Variants in ITFG2 observed in about 807,000 individuals in gnomAD.
ITFG2 encodes KICSTOR complex protein ITFG2.
Under a neutral mutation model 54.4 loss-of-function variants are expected in ITFG2, and 36 were observed. The ratio of observed to expected loss-of-function variants is 0.66; its 90% CI spans 0.51 to 0.87. The LOEUF (loss-of-function observed/expected upper bound fraction) is 0.87. Among genes scored for constraint, ITFG2 ranks in the 40% least tolerant of loss-of-function variants. The pLI is 0.00. For missense variants in ITFG2, 524 were observed against 576.7 expected, an observed-to-expected ratio of 0.91 and a Z score of 0.94; for synonymous variants, 211 against 225.4, an observed-to-expected ratio of 0.94 and a Z score of 0.57.
intron 2 of ITFG2, among the ~76,000 whole-genome samples, chr12:2,841,877 C>G (rs762932482): frequency 6.6e-6 from 1 of 151,360 alleles, no homozygotes; most frequent in East Asian, 2.0e-4. Context: ...CGCCACCACG[C>G]CCGGCTAATT....
chr12:2,859,724 C>T (rs2098105926), exon 4 of ITFG2: 1 of 1,240,434 alleles, frequency 8.1e-7, no homozygotes, highest in Non-Finnish European at 1.1e-6. Context: ...ACAAAAATAT[C>T]ACATACGGGT....
chr12:2,859,183 CAG>C, intron 3 of ITFG2: 1 of 1,610,082 alleles, frequency 6.2e-7, no homozygotes, highest in African/African-American at 1.3e-5. Context: ...GAGGCAGGGT[CAG>C]AGGAGTCTGC....
chr12:2,824,184 T>G lies in ITFG2; in HGVS notation c.1335T>G (p.Asp445Glu). The G allele has an allele frequency of 6.2e-7, 1 of 1,614,094 alleles. No individual in the cohort carries two copies. The highest frequency in any genetic ancestry group is 8.5e-7 in the Non-Finnish European group (1 of 1,179,998). ...AGTGTGCTCCCTCAAGCCTCCAGGA[T>G]CCCACCTAGCTGTACTTGCCTCATA... ...PPQCAPSSLQDPT is the reference protein window; with the variant it reads ...PPQCAPSSLQEPT Residue 445 changes from aspartate to glutamate, a missense_variant, in exon 12 of 12, where the codon GAT (aspartate) becomes GAG (glutamate). Physicochemically the swap from Asp to Glu is conservative, Grantham distance 45 (BLOSUM62 2). Transcript: ENST00000228799.
At position 2,812,713 on chromosome 12, in the gene ITFG2, A is replaced by C. The variant is rs777711852; in HGVS notation, c.-48A>C. 1.3e-6 allele frequency: 2 copies of C among 1,531,032 alleles called. No individual in the cohort carries two copies. Among genetic ancestry groups the C allele is most frequent in the Non-Finnish European group, 1.8e-6 (2 of 1,107,624 alleles). 94.8% of individuals were successfully genotyped at this position (1,531,032 alleles called of 1,614,324 possible). A position where few individuals can be genotyped will look rare whatever the true frequency, so the allele number is the denominator to read the frequency against. ...CTGGCGGCTGTCGCGACGGGGGTTC[A>C]GGGAATATTTACTGGGCCTCTCCGC... On this transcript the variant is annotated 5_prime_UTR_variant, in exon 1 of 12. Transcript: ENST00000228799.
At chr12:2,820,628 G>GGGC in intron 5 of ITFG2, 96 bp from the exon 6 acceptor site, 2 of 251,778 alleles carry the variant, frequency 7.9e-6, no homozygotes, top group Non-Finnish European at 7.9e-6. Flanking sequence ...CCCTGCCCCT[G>GGGC]CCCCCGCCCC....
chr12:2,859,213 C>T lies in ITFG2; in HGVS notation n.621-321C>T, dbSNP rs375821639. On this transcript the variant is annotated intron_variant and non_coding_transcript_variant, in intron 3 of 3. Transcript: ENST00000537710. ...GAGTCTGCTGGGAACGGGAGCTCTG[C>T]GGCCCAGCGGGAAGTACTGGGCCCC... is the stretch of plus-strand genomic sequence containing the variant. 9.9e-6 allele frequency: 16 copies of T among 1,612,216 alleles called. No homozygotes were observed. The highest frequency in any genetic ancestry group is 3.3e-5 in the South Asian group (3 of 91,056).
chr12:2,827,784 G>A (rs1210536582), downstream of ITFG2: 4 of 1,605,904 alleles, frequency 2.5e-6, no homozygotes, highest in Non-Finnish European at 3.4e-6. The surrounding 1 kb of genome is among the most constrained non-coding windows in gnomAD (Gnocchi z 4.0). Flanking sequence ...CCAGATCCGA[G>A]GACACTGGCA....
At chr12:2,816,657 G>C (rs1350670775) in intron 1 of ITFG2, among the ~76,000 whole-genome samples, 4 of 88,968 alleles carry the variant, frequency 4.5e-5, no homozygotes. Context: ...TTTTTTTTGA[G>C]AGACAGGGTC....
intron 2 of ITFG2, among the ~76,000 whole-genome samples, chr12:2,852,258 C>G (rs1160201417): frequency 1.3e-5 from 2 of 152,194 alleles, no homozygotes; most frequent in African/African-American, 4.8e-5. Context: ...ATCCTACTGT[C>G]ATGGAGATAC....
chr12:2,849,555 A>G (rs1224302602), intron 2 of ITFG2: 14 of 1,535,314 alleles, frequency 9.1e-6, no homozygotes, highest in Non-Finnish European at 1.2e-5. Flanking sequence ...GAGAGAACAG[A>G]GAGATCAAAG....
At chr12:2,827,806 G>C, downstream of ITFG2, 1 of 1,603,210 alleles carries the variant, frequency 6.2e-7, no homozygotes, top group Middle Eastern at 2.2e-4. This position sits in a 1 kb window ranked among gnomAD's most constrained non-coding sequence, Gnocchi z 4.0. Context: ...AGAGATGGGG[G>C]ATAGTCAGAA....
intron 4 of ITFG2, chr12:2,818,712 T>C (rs765969165): frequency 2.8e-5 from 7 of 246,676 alleles, no homozygotes; most frequent in East Asian, 1.0e-4. Context: ...AATTAAGTAG[T>C]ATATTAGAAG....
chr12:2,848,922 C>A (rs972748918), intron 2 of ITFG2: 2 of 382,728 alleles, frequency 5.2e-6, no homozygotes, highest in African/African-American at 4.2e-5. Flanking sequence ...CTCCTTCCTT[C>A]CCACTTCTCC....
chr12:2,858,557 TCA>T (rs2098097114), intron 3 of ITFG2: 1 of 1,256,996 alleles, frequency 8.0e-7, no homozygotes, highest in African/African-American at 1.5e-5. Context: ...CCTGCTGTCC[TCA>T]CTCAGAGGCT....
chr12:2,813,504 C>G (rs1231311083), intron 1 of ITFG2, among the ~76,000 whole-genome samples: 1 of 152,082 alleles, frequency 6.6e-6, no homozygotes, highest in Admixed American at 6.6e-5. Flanking sequence ...CCTCAGATAG[C>G]TCATAATCAA....
At chr12:2,849,574 C>G (rs1401031231) in intron 2 of ITFG2, 2 of 1,530,860 alleles carry the variant, frequency 1.3e-6, no homozygotes, top group Non-Finnish European at 1.7e-6. Flanking sequence ...AGAAGAGATC[C>G]AGGGACAGTG....
intron 2 of ITFG2, among the ~76,000 whole-genome samples, chr12:2,852,415 G>A (rs2098073988): frequency 6.6e-6 from 1 of 152,004 alleles, no homozygotes; most frequent in African/African-American, 2.4e-5. Context: ...TGCCCAGCCT[G>A]GAGTGCAGTG....
chr12:2,855,270 G>A lies in ITFG2; in HGVS notation n.301-2742G>A, dbSNP rs551621365. The A allele has an allele frequency of 6.6e-6, 10 of 1,515,914 alleles. No individual in the cohort carries two copies. The East Asian group carries it at 2.5e-4, about 38-fold the overall frequency. 93.9% of individuals were successfully genotyped at this position (1,515,914 alleles called of 1,614,324 possible). A position where few individuals can be genotyped will look rare whatever the true frequency, so the allele number is the denominator to read the frequency against. On this transcript the variant is annotated intron_variant and non_coding_transcript_variant, in intron 2 of 3. Coordinates refer to the ITFG2 transcript ENST00000537710. ...TGTGCTGGGCGCCACCCTTCCAAGG[G>A]TGGATGAGCCGCTGACGCACCTTGG...
intron 8 of ITFG2, 26 bp downstream of exon 8, chr12:2,821,622 GGGGCTGTATGCCTGTA>G (rs1334851574): frequency 2.5e-6 from 4 of 1,614,046 alleles, no homozygotes; most frequent in Non-Finnish European, 3.4e-6. Flanking sequence ...ATGGGGTGTG[GGGGCTGTATGCCTGTA>G]GGGTCTGCTC....
Sources: allele counts gnomAD v4.1 joint callset (sites outside exome capture counted in the v4.1 genomes callset), GRCh38; gene constraint gnomAD v4.1.1; non-coding constraint Gnocchi (gnomAD v3.1); transcripts MANE v1.5; gene names NCBI Gene and HGNC (gene_info 2026-07-23, HGNC 2026-07-21).